Variants in CSMD3 observed in about 807,000 individuals in gnomAD.
The protein encoded by CSMD3 is CUB and Sushi multiple domains 3.
CSMD3 carries 177 observed loss-of-function variants against 435.2 expected under a neutral mutation model. That is an observed-to-expected ratio of 0.41 (90% CI 0.36 to 0.46). The LOEUF (loss-of-function observed/expected upper bound fraction) is 0.46, where lower values mean the gene tolerates loss of function less well. CSMD3 is among the 20% of genes least tolerant of loss of function. CSMD3 has a pLI of 0.34. For missense variants in CSMD3, 4,265 were observed against 4,504.6 expected, an observed-to-expected ratio of 0.95 and a Z score of 1.52; for synonymous variants, 1,656 against 1,520.5, an observed-to-expected ratio of 1.09 and a Z score of -2.07.
chr8:112,288,032 A>AAGAGAGAGAG (rs143895303), intron 57 of CSMD3, among the ~76,000 whole-genome samples: 4,371 of 149,682 alleles, frequency 0.029, 215 homozygotes, highest in African/African-American at 0.1. Flanking sequence ...GCTAGAGAGA[A>AAGAGAGAGAG]AGAGAGAGAG....
At chr8:112,534,962 C>T (rs1227604504) in intron 27 of CSMD3, among the ~76,000 whole-genome samples, 1 of 152,062 alleles carries the variant, frequency 6.6e-6, no homozygotes, top group Non-Finnish European at 1.5e-5. Flanking sequence ...CAGAAAAGGC[C>T]TTTGACAAAA....
In CSMD3 at chr8:112,515,933, CT is replaced by C. The variant is rs561841005; in HGVS notation, c.4756+1100del. Among the ~76,000 whole-genome samples, 537 of 152,022 alleles carry C rather than the reference CT, an allele frequency of 3.5e-3. 1 individual carries two copies. The highest frequency in any genetic ancestry group is 0.012 in the African/African-American group (516 of 41,486). On this transcript the variant is annotated intron_variant, in intron 28 of 70. Coordinates refer to ENST00000297405, the MANE Select transcript of CSMD3 (RefSeq NM_198123.2). Reference sequence around the variant, plus strand: ...GTCTTGTTTTATTGCTAATTTCCCACTGTTTAGAACAGTGCCTGAGACACAG... The same window carrying C: ...GTCTTGTTTTATTGCTAATTTCCCACGTTTAGAACAGTGCCTGAGACACAG...
chr8:112,254,700 T>A (rs1225153263), intron 62 of CSMD3, among the ~76,000 whole-genome samples: 1 of 152,094 alleles, frequency 6.6e-6, no homozygotes, highest in Middle Eastern at 3.2e-3. Flanking sequence ...GTAATATTTC[T>A]TTGAAGAAAT....
At chr8:112,268,798 A>G (rs1817199886) in intron 59 of CSMD3, among the ~76,000 whole-genome samples, 1 of 151,224 alleles carries the variant, frequency 6.6e-6, no homozygotes. Flanking sequence ...GAAGTTCCAG[A>G]AAGAATGGCT....
rs553692871 is a variant in CSMD3, at chr8:112,425,325, AT to A, written c.5396-16294del. On this transcript the variant is annotated intron_variant, in intron 32 of 70. Coordinates refer to ENST00000297405, the MANE Select transcript of CSMD3 (RefSeq NM_198123.2). The stretch of plus-strand genomic sequence containing the variant: ...TTCTGACTTCAAATTGTGAACCCCA[AT>A]TTTTTTCATGTTAATTTGGACTTAA... Among the ~76,000 whole-genome samples, 112 of 152,250 alleles carry A rather than the reference AT, an allele frequency of 7.4e-4. 1 individual carries two copies. Among genetic ancestry groups the A allele is most frequent in the African/African-American group, 2.6e-3 (107 of 41,556 alleles).
chr8:113,381,338 A>G (rs1199346071), intron 1 of CSMD3, among the ~76,000 whole-genome samples: 4 of 152,208 alleles, frequency 2.6e-5, no homozygotes, highest in African/African-American at 4.8e-5. Flanking sequence ...ATGAAAATGA[A>G]GACTATCCAA....
intron 1 of CSMD3, among the ~76,000 whole-genome samples, chr8:113,351,611 T>C (rs1032583153): frequency 5.3e-5 from 8 of 152,172 alleles, no homozygotes; most frequent in Non-Finnish European, 1.0e-4. Flanking sequence ...TGAAATTGAA[T>C]GTATTCACTA....
chr8:113,217,665 A>G, intron 3 of CSMD3, among the ~76,000 whole-genome samples: 1 of 151,632 alleles, frequency 6.6e-6, no homozygotes. Flanking sequence ...TAACCTGAAG[A>G]ACAGAGAGAA....
chr8:113,154,358 A>G (rs892565742), intron 4 of CSMD3, among the ~76,000 whole-genome samples: 2 of 152,056 alleles, frequency 1.3e-5, no homozygotes, highest in African/African-American at 4.8e-5. Context: ...TGGCATCAAA[A>G]TTGGAATTAT....
At chr8:112,550,555 C>T in intron 27 of CSMD3, 116 bp downstream of exon 27, 1 of 629,434 alleles carries the variant, frequency 1.6e-6, no homozygotes, top group Non-Finnish European at 2.8e-6. Context: ...AGACTAGAAA[C>T]ACGAATATTT....
At chr8:112,496,859 A>C (rs967848382) in intron 30 of CSMD3, among the ~76,000 whole-genome samples, 1 of 152,084 alleles carries the variant, frequency 6.6e-6, no homozygotes, top group Non-Finnish European at 1.5e-5. Flanking sequence ...AAAATAATTA[A>C]AAAGAATGAA....
chr8:112,710,153 C>A (rs1405453752), intron 13 of CSMD3, among the ~76,000 whole-genome samples: 3 of 152,028 alleles, frequency 2.0e-5, no homozygotes, highest in Non-Finnish European at 4.4e-5. Flanking sequence ...TTTATTTTTT[C>A]TTCAGATAAA....
intron 3 of CSMD3, among the ~76,000 whole-genome samples, chr8:113,262,045 C>T (rs1044995460): frequency 6.6e-6 from 1 of 151,974 alleles, no homozygotes; most frequent in African/African-American, 2.4e-5. Context: ...ACCCTGTTAG[C>T]ATATTTGTGA....
rs1159010803 is a variant in CSMD3, at chr8:112,403,288, G to A, written c.5809+3236C>T. 3.3e-5 allele frequency among the ~76,000 whole-genome samples: 5 copies of A among 152,234 alleles called. No individual in the cohort carries two copies. In the East Asian group the frequency reaches 9.7e-4, roughly 29 times the overall value. The stretch of plus-strand genomic sequence containing the variant: ...TCCACTCTAACCCTTACTATGCTCT[G>A]CCACTTTAAAGAGAACTATTTTACC... On this transcript the variant is annotated intron_variant, in intron 35 of 70. Coordinates refer to ENST00000297405, the MANE Select transcript of CSMD3 (RefSeq NM_198123.2).
At chr8:113,211,105 C>T (rs1054047992) in intron 3 of CSMD3, among the ~76,000 whole-genome samples, 5 of 152,102 alleles carry the variant, frequency 3.3e-5, no homozygotes, top group South Asian at 2.1e-4. Flanking sequence ...AGAAGTCCCT[C>T]GCAATGACTG....
chr8:112,436,065 G>A (rs1344660988), intron 32 of CSMD3, among the ~76,000 whole-genome samples: 1 of 151,876 alleles, frequency 6.6e-6, no homozygotes, highest in Non-Finnish European at 1.5e-5. Flanking sequence ...CATAATGATT[G>A]TCAAATAGAG....
At chr8:112,699,551 C>G (rs930910350) in intron 13 of CSMD3, among the ~76,000 whole-genome samples, 1 of 152,194 alleles carries the variant, frequency 6.6e-6, no homozygotes, top group African/African-American at 2.4e-5. Flanking sequence ...TAAGATATTA[C>G]CTCTCTGTGA....
At chr8:112,673,462 G>A (rs1055232731) in intron 16 of CSMD3, among the ~76,000 whole-genome samples, 8 of 152,028 alleles carry the variant, frequency 5.3e-5, no homozygotes, top group Admixed American at 3.3e-4. Flanking sequence ...TTCAGGAGAC[G>A]TAGAATTTAA....
intron 23 of CSMD3, among the ~76,000 whole-genome samples, chr8:112,578,976 CTAAT>C (rs1236941494): frequency 8.5e-5 from 13 of 152,076 alleles, no homozygotes; most frequent in African/African-American, 3.1e-4. Flanking sequence ...TTTCATATAA[CTAAT>C]TGATTTTTAC....
Sources: gnomAD v4.1 joint callset for allele counts (sites outside exome capture counted in the v4.1 genomes callset) on GRCh38, gnomAD v4.1.1 for gene constraint, MANE v1.5 for transcripts, NCBI Gene and HGNC (gene_info 2026-07-23, HGNC 2026-07-21) for gene names.